The following NR3C1 variants were observed in gnomAD, a reference collection of about 807,000 sequenced individuals.
NR3C1 encodes glucocorticoid receptor.
A neutral mutation model predicts 74.0 loss-of-function variants in NR3C1; 14 were observed. The ratio of observed to expected loss-of-function variants is 0.19; its 90% confidence interval spans 0.12 to 0.30. NR3C1 has a LOEUF of 0.30. Ranked by LOEUF, NR3C1 falls within the 10% of genes least tolerant of loss-of-function variation. The pLI, the probability that NR3C1 is intolerant of heterozygous loss-of-function variation, is 1.00. For synonymous variants in NR3C1, 308 were observed against 332.5 expected, an observed-to-expected ratio of 0.93 and a Z score of 0.80; for missense variants, 695 against 909.8, an observed-to-expected ratio of 0.76 and a Z score of 3.04.
At chr5:143,373,425 G>C (rs988180840) in intron 2 of NR3C1, among the ~76,000 whole-genome samples, 2 of 142,196 alleles carry the variant, frequency 1.4e-5, no homozygotes, top group African/African-American at 2.6e-5. Context: ...AAACAATGTT[G>C]AGTTAAAAAA....
At chr5:143,423,454 G>T (rs1751342412) in intron 1 of NR3C1, among the ~76,000 whole-genome samples, 1 of 152,082 alleles carries the variant, frequency 6.6e-6, no homozygotes, top group Non-Finnish European at 1.5e-5. Context: ...GGGAATTACG[G>T]ATGCTCTCAA....
At chr5:143,324,045 G>A (rs1190814032) in intron 2 of NR3C1, among the ~76,000 whole-genome samples, 2 of 152,182 alleles carry the variant, frequency 1.3e-5, no homozygotes, top group African/African-American at 4.8e-5. Context: ...GGCTGGCATT[G>A]AGTGTCTGTG....
At chr5:143,377,079 C>A (rs1835342679) in intron 2 of NR3C1, among the ~76,000 whole-genome samples, 1 of 152,140 alleles carries the variant, frequency 6.6e-6, no homozygotes, top group Non-Finnish European at 1.5e-5. Flanking sequence ...AAATTCCATC[C>A]TTATGATTTC....
chr5:143,415,818 G>A (rs1015092473), intron 1 of NR3C1, among the ~76,000 whole-genome samples: 1 of 152,104 alleles, frequency 6.6e-6, no homozygotes, highest in African/African-American at 2.4e-5. Flanking sequence ...ACCCAAAAGT[G>A]CTACATTATT....
Position 143,375,891 on chromosome 5 carries a change from G to A in NR3C1, c.1184+23765C>T, listed in dbSNP as rs1835107263. On this transcript the variant is annotated intron_variant, in intron 2 of 8. Transcript: ENST00000394464. ...GTTACATTCTGAACAGTATCTGGAT[G>A]AGTATTTGGGAGAATACAAAACACA... 2.0e-5 allele frequency: 3 copies of A among 152,204 alleles called. No homozygotes were observed. In the South Asian group the frequency reaches 6.2e-4, roughly 32 times the overall value. 9.4% of individuals were successfully genotyped at this position (152,204 alleles called of 1,614,324 possible).
intron 1 of NR3C1, 62 bp from the exon 2 acceptor site, chr5:143,400,914 C>A: frequency 7.9e-7 from 1 of 1,263,378 alleles, no homozygotes; most frequent in Non-Finnish European, 1.1e-6. Context: ...ACATTATCTT[C>A]CTGATCCGAT....
intron 1 of NR3C1, among the ~76,000 whole-genome samples, chr5:143,412,823 A>G (rs1279708453): frequency 6.6e-6 from 1 of 152,242 alleles, no homozygotes; most frequent in Admixed American, 6.5e-5. Context: ...CAGAAGAAGG[A>G]AAGATTCTCA....
intron 2 of NR3C1, among the ~76,000 whole-genome samples, chr5:143,382,153 TGAA>T (rs775596195): frequency 6.6e-6 from 1 of 152,120 alleles, no homozygotes; most frequent in Non-Finnish European, 1.5e-5. Context: ...AACAGGTGTA[TGAA>T]GAAATGTTCA....
chr5:143,403,665 G>A lies in NR3C1; in HGVS notation c.-468C>T, dbSNP rs1284593949. On this transcript the variant is annotated 5_prime_UTR_variant, in exon 1 of 9. Coordinates refer to ENST00000394464, the MANE Select transcript of NR3C1 (RefSeq NM_000176.3). ...GGCCTGGGCGAGCGAGCGGGACCGA[G>A]CGGGGAGCGGGTGGAGGCGGCGCCA... The A allele has an allele frequency of 2.0e-6, 2 of 985,290 alleles. No homozygotes were observed. The highest frequency in any genetic ancestry group is 2.4e-6 in the Non-Finnish European group (2 of 829,912). 61.0% of individuals were successfully genotyped at this position (985,290 alleles called of 1,614,324 possible). A position where few individuals can be genotyped will look rare whatever the true frequency, so the allele number is the denominator to read the frequency against.
chr5:143,376,866 A>AG (rs1835297722), intron 2 of NR3C1, among the ~76,000 whole-genome samples: 1 of 152,182 alleles, frequency 6.6e-6, no homozygotes, highest in South Asian at 2.1e-4. Context: ...TAAGGGTATC[A>AG]GGGTTTGGAT....
intron 2 of NR3C1, among the ~76,000 whole-genome samples, chr5:143,358,160 C>T (rs546749974): frequency 2.4e-4 from 37 of 152,288 alleles, no homozygotes; most frequent in African/African-American, 8.4e-4. Context: ...AGCAGCACTT[C>T]CCGTTCACCA....
At chr5:143,288,716 G>C (rs999672819) in intron 7 of NR3C1, among the ~76,000 whole-genome samples, 1 of 152,042 alleles carries the variant, frequency 6.6e-6, no homozygotes, top group Non-Finnish European at 1.5e-5. Flanking sequence ...TAAGCGATCT[G>C]CCTGCCTTGG....
Position 143,279,062 on chromosome 5 carries a change from T to C in NR3C1, c.*2827A>G, listed in dbSNP as rs765062925. 5 of 377,556 alleles carry C rather than the reference T, an allele frequency of 1.3e-5. No homozygotes were observed. The highest frequency in any genetic ancestry group is 1.9e-5 in the Non-Finnish European group (4 of 212,152). 23.4% of individuals were successfully genotyped at this position (377,556 alleles called of 1,614,324 possible). A position where few individuals can be genotyped will look rare whatever the true frequency, so the allele number is the denominator to read the frequency against. On this transcript the variant is annotated 3_prime_UTR_variant, in exon 9 of 9. Transcript: ENST00000394464. Reference sequence around the variant, plus strand: ...TTTGTTGTGAGTAACCAACTCTCACTGAAGTTACTACAAACTTCAACAGTT... The same window carrying C: ...TTTGTTGTGAGTAACCAACTCTCACCGAAGTTACTACAAACTTCAACAGTT...
intron 2 of NR3C1, among the ~76,000 whole-genome samples, chr5:143,314,434 T>C (rs1349587606): frequency 6.6e-6 from 1 of 151,874 alleles, no homozygotes. Flanking sequence ...TTTTTTTTTT[T>C]TTTTAGATGC....
chr5:143,353,309 A>G (rs183791430), intron 2 of NR3C1, among the ~76,000 whole-genome samples: 1 of 152,284 alleles, frequency 6.6e-6, no homozygotes, highest in African/African-American at 2.4e-5. Context: ...GTTGGAATCA[A>G]CTTCTTTCAA....
intron 2 of NR3C1, among the ~76,000 whole-genome samples, chr5:143,374,104 C>A (rs72801081): frequency 0.13 from 19,689 of 152,058 alleles, 1,477 homozygotes; most frequent in Middle Eastern, 0.3. Flanking sequence ...TATTTATATT[C>A]CCCAGATTTT....
Position 143,325,332 on chromosome 5 carries a change from A to G in NR3C1, c.1185-11164T>C, listed in dbSNP as rs547912960. On this transcript the variant is annotated intron_variant, in intron 2 of 8. Coordinates refer to ENST00000394464, the MANE Select transcript of NR3C1 (RefSeq NM_000176.3). ...AGGGGAAACCCCTGATAAACCCATCAGATCATGTGAGACTTATTAACTATC... is the reference window on the plus strand; with the variant it reads ...AGGGGAAACCCCTGATAAACCCATCGGATCATGTGAGACTTATTAACTATC... Among the ~76,000 whole-genome samples, 60 of 152,362 alleles carry G rather than the reference A, an allele frequency of 3.9e-4. 1 individual carries two copies. The South Asian group carries it at 0.012, about 30-fold the overall frequency.
intron 2 of NR3C1, among the ~76,000 whole-genome samples, chr5:143,362,436 C>A (rs1452162625): frequency 6.6e-6 from 1 of 150,810 alleles, no homozygotes; most frequent in Non-Finnish European, 1.5e-5. Context: ...TCTCGGCTCA[C>A]GGCAAGCTCC....
At chr5:143,317,167 G>T (rs1822305237) in intron 2 of NR3C1, among the ~76,000 whole-genome samples, 1 of 152,100 alleles carries the variant, frequency 6.6e-6, no homozygotes, top group Non-Finnish European at 1.5e-5. Flanking sequence ...TGGAAAAAAT[G>T]GATGAATGCT....
Sources: allele counts gnomAD v4.1 joint callset (sites outside exome capture counted in the v4.1 genomes callset), GRCh38; gene constraint gnomAD v4.1.1; transcripts MANE v1.5; gene names NCBI Gene and HGNC (gene_info 2026-07-23, HGNC 2026-07-21).